IRF8: variants seen among roughly 807,000 people sequenced by gnomAD.
IRF8 encodes the protein interferon regulatory factor 8, also known as interferon consensus sequence binding protein 1.
Under a neutral mutation model 48.7 loss-of-function variants are expected in IRF8, and 14 were observed. The observed-to-expected ratio is 0.29, with a 90% CI of 0.19 to 0.45. The LOEUF is 0.45. Ranked by LOEUF, IRF8 falls within the 20% of genes least tolerant of loss-of-function variation. The pLI is 1.00. For missense variants in IRF8, 493 were observed against 580.7 expected, an observed-to-expected ratio of 0.85 and a Z score of 1.55; for synonymous variants, 278 against 227.3, an observed-to-expected ratio of 1.22 and a Z score of -2.01.
In IRF8 at chr16:85,918,711, G is replaced by C; in HGVS notation, c.896G>C (p.Cys299Ser). Residue 299 changes from cysteine to serine, a missense_variant, in exon 7 of 9, where the codon TGC becomes TCC. Physicochemically the swap from Cys to Ser is moderately radical, Grantham distance 112 (BLOSUM62 -1). This residue lies in a region of IRF8 where 408 missense variants were observed against 449.6 expected (regional missense o/e 0.91). Coordinates refer to ENST00000268638, the MANE Select transcript of IRF8 (RefSeq NM_002163.4). Reference protein sequence around the residue: ...VKRLCQGRVFCSGNAVVCKGR... With the variant: ...VKRLCQGRVFSSGNAVVCKGR... ...CGGCTGTGCCAGGGCCGCGTGTTCT[G>C]CAGCGGCAACGCCGTGGTGTGCAAA... 6.2e-7 allele frequency: 1 copy of C among 1,612,542 alleles called. No homozygotes were observed. Among genetic ancestry groups the C allele is most frequent in the Non-Finnish European group, 8.5e-7 (1 of 1,180,016 alleles).
rs1355464022 is a variant in IRF8 at position 85,918,478 on chromosome 16, C to T, written c.663C>T (p.Thr221=). The part of the protein sequence containing the change: ...YGGKLVGQAT[T]TCPEGCRLSL... ...GCAAGCTGGTGGGCCAGGCCACCAC[C>T]ACCTGCCCCGAGGGCTGCCGCCTGT... Residue 221 remains threonine (T), a synonymous_variant, in exon 7 of 9, where the codon ACC becomes ACT. Transcript: ENST00000268638. The T allele has an allele frequency of 6.3e-7, 1 of 1,590,522 alleles. No individual in the cohort carries two copies. The highest frequency in any genetic ancestry group is 1.7e-5 in the Admixed American group (1 of 59,634).
Position 85,921,536 on chromosome 16 carries a change from T to G in IRF8, c.*254T>G. The G allele has an allele frequency of 2.0e-6, 1 of 510,458 alleles. No individual in the cohort carries two copies. Among genetic ancestry groups the G allele is most frequent in the Non-Finnish European group, 3.6e-6 (1 of 280,962 alleles). The allele number at this position is 510,458 out of a possible 1,614,324, so 31.6% of individuals were successfully genotyped here. ...GCTAAAAATTTTATTTTCTATCCTT[T>G]ACCCGTCATTATCATTAGTTGCTAT... is the stretch of plus-strand genomic sequence containing the variant. On this transcript the variant is annotated 3_prime_UTR_variant, in exon 9 of 9. Coordinates refer to ENST00000268638, the MANE Select transcript of IRF8 (RefSeq NM_002163.4).
chr16:85,917,201 C>T (rs1597255980), intron 6 of IRF8, among the ~76,000 whole-genome samples: 1 of 152,292 alleles, frequency 6.6e-6, no homozygotes, highest in Admixed American at 6.5e-5. Context: ...GAGTTAGGCA[C>T]CTCACAACTT....
chr16:85,908,880 C>T, intron 2 of IRF8, 110 bp from the exon 3 acceptor site: 1 of 962,944 alleles, frequency 1.0e-6, no homozygotes, highest in South Asian at 1.3e-5. Flanking sequence ...GAGTTGATGG[C>T]CAACAAAGAT....
At chr16:85,900,314 T>C (rs1174711458) in intron 1 of IRF8, among the ~76,000 whole-genome samples, 1 of 152,222 alleles carries the variant, frequency 6.6e-6, no homozygotes, top group East Asian at 1.9e-4. Flanking sequence ...CTGTATACAT[T>C]TCTAGGGCTG....
rs1374834556 is a variant in IRF8, at chr16:85,911,649, G to C, written c.438G>C (p.Leu146=). The change falls in exon 4 of 9, where the codon CTG becomes CTC. Residue 146 remains leucine (L), a synonymous_variant. Coordinates refer to ENST00000268638, the MANE Select transcript of IRF8 (RefSeq NM_002163.4). ...MECGRSEIDE[L]IKEPSVDDYM... ...GCGGTCGCTCTGAAATCGACGAGCT[G>C]ATCAAGGAGGTAAGCAGAGGCAGCA... 9 of 1,613,532 alleles carry C rather than the reference G, an allele frequency of 5.6e-6. No individual in the cohort carries two copies. In the East Asian group the frequency reaches 2.0e-4, roughly 36 times the overall value.
In IRF8 at chr16:85,903,095, T is replaced by C. The variant is rs914225825; in HGVS notation, c.80T>C (p.Ile27Thr). Residue 27 changes from isoleucine to threonine, a missense_variant, in exon 2 of 9, where the codon ATT (isoleucine) becomes ACT (threonine). Physicochemically the swap from Ile to Thr is moderately conservative, Grantham distance 89. Transcript: ENST00000268638. ...QIDSSMYPGL[I>T]WENEEKSMFR... Reference sequence around the variant, plus strand: ...GACAGTAGCATGTATCCAGGACTGATTTGGGAGAATGAGGAGAAGAGCATG... The same window carrying C: ...GACAGTAGCATGTATCCAGGACTGACTTGGGAGAATGAGGAGAAGAGCATG... The C allele has an allele frequency of 6.2e-7, 1 of 1,614,062 alleles. No homozygotes were observed. The highest frequency in any genetic ancestry group is 1.3e-5 in the African/African-American group (1 of 75,012).
At chr16:85,910,699 C>T (rs559863373) in intron 3 of IRF8, among the ~76,000 whole-genome samples, 2 of 152,180 alleles carry the variant, frequency 1.3e-5, no homozygotes, top group Non-Finnish European at 2.9e-5. Flanking sequence ...GCATAATTGC[C>T]TACAGGGGCC....
chr16:85,914,863 T>A (rs531178395), intron 6 of IRF8, among the ~76,000 whole-genome samples: 1 of 150,704 alleles, frequency 6.6e-6, no homozygotes, highest in East Asian at 1.9e-4. Context: ...TTTCTCCTCC[T>A]CACCATTTGG....
At chr16:85,912,870 A>C (rs1905186745) in intron 4 of IRF8, among the ~76,000 whole-genome samples, 1 of 152,248 alleles carries the variant, frequency 6.6e-6, no homozygotes, top group Non-Finnish European at 1.5e-5. Context: ...TGCAACAGGC[A>C]GGTCGTGGAA....
At chr16:85,908,931 A>G in intron 2 of IRF8, 59 bp from the exon 3 acceptor site, 1 of 1,424,684 alleles carries the variant, frequency 7.0e-7, no homozygotes, top group Non-Finnish European at 9.9e-7. Context: ...GGTCATGGTG[A>G]CGGATATTTG....
intron 3 of IRF8, 171 bp downstream of exon 3, chr16:85,909,344 CAG>C: frequency 1.5e-6 from 1 of 672,486 alleles, no homozygotes; most frequent in Non-Finnish European, 2.7e-6. Context: ...CCAGTGACCT[CAG>C]AGGGAAGGGC....
At chr16:85,918,086 G>C (rs899081743) in intron 6 of IRF8, among the ~76,000 whole-genome samples, 2 of 152,146 alleles carry the variant, frequency 1.3e-5, no homozygotes, top group Non-Finnish European at 2.9e-5. Context: ...ATGAGTTGTC[G>C]AAACATCGTT....
chr16:85,909,109 G>A lies in IRF8; in HGVS notation c.294G>A (p.Arg98=). The A allele has an allele frequency of 6.2e-7, 1 of 1,614,154 alleles. No homozygotes were observed. The highest frequency in any genetic ancestry group is 8.5e-7 in the Non-Finnish European group (1 of 1,180,022). ...CAGATTTTGAGGAAGTGACGGACCG[G>A]TCCCAACTGGACATTTCCGAGCCAT... ...KSPDFEEVTD[R]SQLDISEPYK... is the part of the protein sequence containing the mutation. Residue 98 remains arginine, a synonymous_variant, in exon 3 of 9, where the codon CGG becomes CGA. Transcript: ENST00000268638.
intron 5 of IRF8, 54 bp from the exon 6 acceptor site, chr16:85,914,419 C>A: frequency 6.2e-7 from 1 of 1,610,180 alleles, no homozygotes; most frequent in South Asian, 1.1e-5. Flanking sequence ...TGGGGTTACT[C>A]CCTGTACACC....
chr16:85,899,780 A>T (rs1904768066), intron 1 of IRF8, among the ~76,000 whole-genome samples: 2 of 152,364 alleles, frequency 1.3e-5, no homozygotes, highest in African/African-American at 2.4e-5. Flanking sequence ...GAGAGTCTGT[A>T]TATGGGCCAC....
At chr16:85,910,799 C>A (rs1015021205) in intron 3 of IRF8, among the ~76,000 whole-genome samples, 1 of 152,238 alleles carries the variant, frequency 6.6e-6, no homozygotes, top group Non-Finnish European at 1.5e-5. Flanking sequence ...TCAGTGAATT[C>A]TTTAATCTAT....
intron 2 of IRF8, among the ~76,000 whole-genome samples, chr16:85,906,703 G>A (rs139938290): frequency 9.2e-5 from 14 of 152,354 alleles, no homozygotes; most frequent in Admixed American, 3.3e-4. Flanking sequence ...TTCAAGGCCC[G>A]TTTGGGATGT....
At chr16:85,914,770 C>G (rs1905250084) in intron 6 of IRF8, among the ~76,000 whole-genome samples, 1 of 150,546 alleles carries the variant, frequency 6.6e-6, no homozygotes, top group African/African-American at 2.5e-5. Context: ...AGGCTCCGTT[C>G]CGAGGATGAG....
Sources: allele counts gnomAD v4.1 joint callset (sites outside exome capture counted in the v4.1 genomes callset), GRCh38; gene constraint gnomAD v4.1.1; regional missense constraint gnomAD v4.1.1; transcripts MANE v1.5; gene names NCBI Gene and HGNC (gene_info 2026-07-23, HGNC 2026-07-21).